FAM135B: variants seen among roughly 807,000 people sequenced by gnomAD.
The protein encoded by FAM135B is protein FAM135B.
A neutral mutation model predicts 127.7 loss-of-function variants in FAM135B; 43 were observed. The ratio of observed to expected loss-of-function variants is 0.34; its 90% CI spans 0.26 to 0.43. The LOEUF is 0.43. Ranked by LOEUF, FAM135B falls within the 20% of genes least tolerant of loss-of-function variation. The pLI is 1.00. For synonymous variants in FAM135B, 670 were observed against 665.1 expected, an observed-to-expected ratio of 1.01 and a Z score of -0.11; for missense variants, 1,558 against 1,725.6, an observed-to-expected ratio of 0.90 and a Z score of 1.72.
intron 1 of FAM135B, among the ~76,000 whole-genome samples, chr8:138,408,105 A>G (rs1486777052): frequency 2.0e-5 from 3 of 152,206 alleles, no homozygotes; most frequent in Admixed American, 6.5e-5. Flanking sequence ...CGGGAAATGA[A>G]TATTGGCTTC....
chr8:138,188,922 C>T (rs943599434), intron 9 of FAM135B, among the ~76,000 whole-genome samples: 1 of 152,204 alleles, frequency 6.6e-6, no homozygotes, highest in Admixed American at 6.5e-5. Context: ...GGACAGGAGA[C>T]AGGAAAATTC....
intron 1 of FAM135B, among the ~76,000 whole-genome samples, chr8:138,427,836 C>G (rs1334212356): frequency 2.6e-5 from 4 of 152,136 alleles, no homozygotes; most frequent in Non-Finnish European, 5.9e-5. Flanking sequence ...ATTGATACAT[C>G]TTTTATTCCT....
At chr8:138,492,278 T>C (rs1213335592) in intron 1 of FAM135B, among the ~76,000 whole-genome samples, 1 of 152,128 alleles carries the variant, frequency 6.6e-6, no homozygotes, top group African/African-American at 2.4e-5. Flanking sequence ...GTCCCTAGAA[T>C]GTCTCACTGA....
At chr8:138,304,457 G>A (rs1213876042) in intron 3 of FAM135B, among the ~76,000 whole-genome samples, 4 of 152,330 alleles carry the variant, frequency 2.6e-5, no homozygotes, top group African/African-American at 7.2e-5. Flanking sequence ...TAGTTTGTGC[G>A]AAGGACGTTC....
At chr8:138,217,858 T>A (rs934116814) in intron 7 of FAM135B, among the ~76,000 whole-genome samples, 1 of 151,790 alleles carries the variant, frequency 6.6e-6, no homozygotes, top group Non-Finnish European at 1.5e-5. Context: ...GGAGACAAAG[T>A]AGGAAGAGAA....
chr8:138,444,777 C>T (rs1836014015), intron 1 of FAM135B, among the ~76,000 whole-genome samples: 1 of 152,068 alleles, frequency 6.6e-6, no homozygotes, highest in Non-Finnish European at 1.5e-5. Context: ...CAAAAGCTAG[C>T]AGAAGGCAAG....
At chr8:138,372,757 C>A (rs1831221437) in intron 1 of FAM135B, among the ~76,000 whole-genome samples, 1 of 152,110 alleles carries the variant, frequency 6.6e-6, no homozygotes. Flanking sequence ...AAAGAAAATG[C>A]AGTGAAATTA....
chr8:138,216,545 C>T (rs1404215381), intron 7 of FAM135B, among the ~76,000 whole-genome samples: 1 of 152,188 alleles, frequency 6.6e-6, no homozygotes, highest in Non-Finnish European at 1.5e-5. Context: ...GAGCCAGGAA[C>T]ATTCATTCTG....
intron 7 of FAM135B, among the ~76,000 whole-genome samples, chr8:138,213,532 G>A: frequency 7.1e-6 from 1 of 140,684 alleles, no homozygotes; most frequent in Non-Finnish European, 1.5e-5. Context: ...TTAACTTGAT[G>A]TCTTTGACTG....
intron 4 of FAM135B, among the ~76,000 whole-genome samples, chr8:138,264,763 G>A (rs1403162644): frequency 6.6e-6 from 1 of 152,080 alleles, no homozygotes; most frequent in East Asian, 1.9e-4. Context: ...TCACTACCTA[G>A]ATAACAAAAG....
At chr8:138,206,296 T>G (rs1390857787) in intron 7 of FAM135B, among the ~76,000 whole-genome samples, 58 of 132,412 alleles carry the variant, frequency 4.4e-4, no homozygotes, top group East Asian at 9.7e-4. Context: ...CACAGCTCTA[T>G]CATCCCCTCC....
chr8:138,294,539 C>T (rs1296159040), intron 3 of FAM135B, among the ~76,000 whole-genome samples: 1 of 151,978 alleles, frequency 6.6e-6, no homozygotes, highest in African/African-American at 2.4e-5. Context: ...ACATTGAAAT[C>T]ATATTCAATA....
chr8:138,149,299 G>A (rs1422533436), intron 13 of FAM135B, among the ~76,000 whole-genome samples: 2 of 151,966 alleles, frequency 1.3e-5, no homozygotes, highest in East Asian at 3.9e-4. Context: ...CAGCTCCAAG[G>A]CCCCATGCAA....
At position 138,152,376 on chromosome 8, in the gene FAM135B, G is replaced by T. The variant is rs1818249736; in HGVS notation, c.2099C>A (p.Ala700Asp). 6.2e-7 allele frequency: 1 copy of T among 1,614,058 alleles called. No individual in the cohort carries two copies. Among genetic ancestry groups the T allele is most frequent in the Non-Finnish European group, 8.5e-7 (1 of 1,180,046 alleles). ...GGGCAACTCCAGAGCCCTGCTTCGG[G>T]CCTCTGACCAGGCGACGGAGCTTGG... ...SEPSSVAWSE[A>D]RSRALELPSD... The change falls in exon 13 of 20, where the codon GCC becomes GAC. Residue 700 changes from alanine (A) to aspartate (D), a missense_variant. Ala to Asp is a moderately radical substitution (Grantham distance 126, BLOSUM62 -2). Around this residue, in one of 5 missense-constraint regions of FAM135B, gnomAD observed 923 missense variants for 865.3 expected, o/e 1.07. Coordinates refer to ENST00000395297, the MANE Select transcript of FAM135B (RefSeq NM_015912.4).
chr8:138,218,766 CAGAG>C (rs34578685), intron 7 of FAM135B, among the ~76,000 whole-genome samples: 1,768 of 80,406 alleles, frequency 0.022, 31 homozygotes, highest in African/African-American at 0.046. Flanking sequence ...CACACACACA[CAGAG>C]AGAGAGAGAG....
intron 4 of FAM135B, among the ~76,000 whole-genome samples, chr8:138,259,817 G>A (rs140344633): frequency 2.2e-3 from 330 of 152,256 alleles, no homozygotes; most frequent in Non-Finnish European, 4.1e-3. Context: ...AAAAAAATCA[G>A]CACAGTGCCT....
In FAM135B at chr8:138,242,830, T is replaced by G; in HGVS notation, c.669+112A>C. 7.0e-7 allele frequency: 1 copy of G among 1,423,902 alleles called. No individual in the cohort carries two copies. Among genetic ancestry groups the G allele is most frequent in the African/African-American group, 1.4e-5 (1 of 69,500 alleles). 88.2% of individuals were successfully genotyped at this position (1,423,902 alleles called of 1,614,324 possible). ...GAAGATGGTGAAAGGAAGGGTCAAA[T>G]TAGCAAAAATCTCTGAAGGGGATGT... is the stretch of plus-strand genomic sequence containing the variant. On this transcript the variant is annotated intron_variant, in intron 7 of 19. Transcript: ENST00000395297. The surrounding 1 kb of genome is among the most constrained non-coding windows in gnomAD (Gnocchi z 9.6).
intron 2 of FAM135B, among the ~76,000 whole-genome samples, chr8:138,322,871 G>A (rs559689733): frequency 4.2e-4 from 64 of 152,242 alleles, no homozygotes; most frequent in African/African-American, 1.3e-3. Context: ...GTGAAACTCC[G>A]CCCTAGCAGG....
chr8:138,196,564 C>T (rs1030272516), intron 8 of FAM135B, among the ~76,000 whole-genome samples: 4 of 152,144 alleles, frequency 2.6e-5, no homozygotes, highest in African/African-American at 7.2e-5. Context: ...GATTTCAGTG[C>T]AGCAATGAAC....
Sources: allele counts gnomAD v4.1 joint callset (sites outside exome capture counted in the v4.1 genomes callset), GRCh38; gene constraint gnomAD v4.1.1; regional missense constraint gnomAD v4.1.1; non-coding constraint Gnocchi (gnomAD v3.1); transcripts MANE v1.5; gene names NCBI Gene and HGNC (gene_info 2026-07-23, HGNC 2026-07-21).